The following TMEM178B variants were observed in gnomAD, a reference collection of about 807,000 sequenced individuals.
TMEM178B encodes the protein transmembrane protein 178B.
A neutral mutation model predicts 31.0 loss-of-function variants in TMEM178B; 5 were observed. The ratio of observed to expected loss-of-function variants is 0.16; its 90% CI spans 0.08 to 0.34. The LOEUF is 0.34. Among genes scored for constraint, TMEM178B ranks in the 10% least tolerant of loss-of-function variants. TMEM178B has a pLI of 1.00. For missense variants in TMEM178B, 275 were observed against 400.3 expected (o/e 0.69, Z 2.67); for synonymous variants, 164 against 164.0 (o/e 1.00, Z 0.00).
chr7:141,495,744 C>T, the TMEM178B span, among the ~76,000 whole-genome samples: 1 of 152,092 alleles, frequency 6.6e-6, no homozygotes, highest in Non-Finnish European at 1.5e-5. Context: ...ACTAAAACAA[C>T]CAAGGTCCAT....
intron 2 of TMEM178B, among the ~76,000 whole-genome samples, chr7:141,404,988 C>T (rs1468257705): frequency 2.6e-5 from 4 of 152,224 alleles, no homozygotes; most frequent in East Asian, 1.9e-4. Flanking sequence ...TGTGGGCACA[C>T]GGAGCTCCTG....
intron 2 of TMEM178B, among the ~76,000 whole-genome samples, chr7:141,285,341 G>C (rs1798432423): frequency 6.7e-6 from 1 of 149,456 alleles, no homozygotes; most frequent in Non-Finnish European, 1.5e-5. Flanking sequence ...TTTTTTTTTA[G>C]TGGAGACAGG....
chr7:141,307,650 A>G (rs1157657537), intron 2 of TMEM178B, among the ~76,000 whole-genome samples: 2 of 152,230 alleles, frequency 1.3e-5, no homozygotes, highest in Non-Finnish European at 2.9e-5. Context: ...CTCTCCCCAT[A>G]AGGACAGAGA....
chr7:141,502,116 C>T, the TMEM178B span, among the ~76,000 whole-genome samples: 1 of 150,616 alleles, frequency 6.6e-6, no homozygotes, highest in East Asian at 1.9e-4. Context: ...CTGTTATCCC[C>T]TTTCCAGTAC....
intron 2 of TMEM178B, among the ~76,000 whole-genome samples, chr7:141,419,338 T>C (rs897082373): frequency 2.0e-5 from 3 of 152,226 alleles, no homozygotes; most frequent in Non-Finnish European, 4.4e-5. Context: ...GATATCATTT[T>C]CCCCATCATC....
chr7:141,449,864 G>A (rs1801832544), intron 3 of TMEM178B, among the ~76,000 whole-genome samples: 1 of 152,202 alleles, frequency 6.6e-6, no homozygotes, highest in Non-Finnish European at 1.5e-5. Flanking sequence ...TACAATACAG[G>A]GGCCTTTAAG....
At chr7:141,244,547 T>C (rs73167485) in intron 2 of TMEM178B, among the ~76,000 whole-genome samples, 2,792 of 152,350 alleles carry the variant, frequency 0.018, 40 homozygotes, top group Non-Finnish European at 0.028. Context: ...TCCAGGCTTT[T>C]AAGCCTAGGC....
At chr7:141,449,278 C>T (rs1471876543) in intron 3 of TMEM178B, among the ~76,000 whole-genome samples, 1 of 152,066 alleles carries the variant, frequency 6.6e-6, no homozygotes, top group Non-Finnish European at 1.5e-5. Flanking sequence ...GACTTAAAAG[C>T]TGTTCCCAGG....
At chr7:141,101,587 A>G (rs540518542) in intron 1 of TMEM178B, among the ~76,000 whole-genome samples, 4 of 152,364 alleles carry the variant, frequency 2.6e-5, no homozygotes, top group Non-Finnish European at 5.9e-5. Flanking sequence ...ATGTCTCATG[A>G]TGCATAAGTG....
chr7:141,185,025 C>T (rs1013048920), intron 1 of TMEM178B, among the ~76,000 whole-genome samples: 1 of 152,218 alleles, frequency 6.6e-6, no homozygotes, highest in African/African-American at 2.4e-5. Flanking sequence ...AGTTCCCTTG[C>T]ACCCCTCGCA....
rs1794562176 is a variant in TMEM178B at position 141,074,425 on chromosome 7, C to A, written c.115C>A (p.His39Asn). 1 of 1,536,006 alleles carries A rather than the reference C, an allele frequency of 6.5e-7. No homozygotes were observed. Among genetic ancestry groups the A allele is most frequent in the Admixed American group, 2.0e-5 (1 of 50,992 alleles). ...DHWYETDARK[H>N]RDRCKAFNTR... The stretch of plus-strand genomic sequence containing the variant: ...CTGGTACGAGACGGACGCCAGGAAG[C>A]ACAGGGACAGGTGCAAGGCCTTCAA... The change falls in exon 1 of 4, where the codon CAC (histidine) becomes AAC (asparagine). Residue 39 changes from histidine (H) to asparagine (N), a missense_variant. Transcript: ENST00000565468. The surrounding 1 kb of genome is among the most constrained non-coding windows in gnomAD (Gnocchi z 5.1).
Position 141,186,495 on chromosome 7 carries a change from C to T in TMEM178B, c.383-26096C>T, listed in dbSNP as rs146557838. Among the ~76,000 whole-genome samples the T allele has an allele frequency of 4.6e-3, 700 of 152,292 alleles. 3 individuals carry two copies. Among genetic ancestry groups the T allele is most frequent in the Middle Eastern group, 0.014 (4 of 294 alleles). On this transcript the variant is annotated intron_variant, in intron 1 of 3. Coordinates refer to ENST00000565468, the MANE Select transcript of TMEM178B (RefSeq NM_001195278.2). ...AGCTTCTTCCTTGTCCATCTCCCTC[C>T]TGCCTTAACCTACATTTTATTTATT... is the stretch of plus-strand genomic sequence containing the variant.
chr7:141,266,119 C>T (rs1216158295), intron 2 of TMEM178B, among the ~76,000 whole-genome samples: 1 of 152,206 alleles, frequency 6.6e-6, no homozygotes, highest in Non-Finnish European at 1.5e-5. Flanking sequence ...CTAGGAGAGA[C>T]AATGTCTCTT....
chr7:141,351,159 T>C (rs1799714899), intron 2 of TMEM178B, among the ~76,000 whole-genome samples: 1 of 152,236 alleles, frequency 6.6e-6, no homozygotes, highest in Non-Finnish European at 1.5e-5. Flanking sequence ...GTCTCACCTA[T>C]TCCTTTTCCA....
At chr7:141,174,711 A>G (rs1796400189) in intron 1 of TMEM178B, among the ~76,000 whole-genome samples, 1 of 152,224 alleles carries the variant, frequency 6.6e-6, no homozygotes, top group Admixed American at 6.5e-5. Flanking sequence ...TCTGATGACC[A>G]GTAATGATGA....
At chr7:141,103,479 C>T (rs1795091475) in intron 1 of TMEM178B, among the ~76,000 whole-genome samples, 1 of 152,178 alleles carries the variant, frequency 6.6e-6, no homozygotes. Context: ...TCATATTACA[C>T]TATAATCTAT....
intron 2 of TMEM178B, among the ~76,000 whole-genome samples, chr7:141,221,775 A>G (rs1459074538): frequency 6.6e-6 from 1 of 152,206 alleles, no homozygotes; most frequent in African/African-American, 2.4e-5. Flanking sequence ...GCTGGGAGCA[A>G]GGATGGGGTA....
chr7:141,265,164 G>A (rs534889398), intron 2 of TMEM178B, among the ~76,000 whole-genome samples: 3 of 152,290 alleles, frequency 2.0e-5, no homozygotes, highest in South Asian at 2.1e-4. Context: ...ACAGGGCTTC[G>A]CAGGTAGAGA....
intron 2 of TMEM178B, among the ~76,000 whole-genome samples, chr7:141,342,223 C>T (rs1331171745): frequency 6.6e-6 from 1 of 152,214 alleles, no homozygotes; most frequent in African/African-American, 2.4e-5. Context: ...CCTGGGATTA[C>T]AGGCATGAGC....
Sources: allele counts gnomAD v4.1 joint callset (sites outside exome capture counted in the v4.1 genomes callset), GRCh38; gene constraint gnomAD v4.1.1; non-coding constraint Gnocchi (gnomAD v3.1); transcripts MANE v1.5; gene names NCBI Gene and HGNC (gene_info 2026-07-23, HGNC 2026-07-21).